C2CD3: variants seen among roughly 807,000 people sequenced by gnomAD.
The protein encoded by C2CD3 is C2 domain containing 3 centriole elongation regulator, also known as C2 domain-containing protein 3.
C2CD3 carries 148 observed loss-of-function variants against 234.0 expected under a neutral mutation model. The ratio of observed to expected loss-of-function variants is 0.63; its 90% CI spans 0.55 to 0.72. C2CD3 has a LOEUF of 0.72. Among genes scored for constraint, C2CD3 ranks in the 30% least tolerant of loss-of-function variants. The pLI is 0.00. For synonymous variants in C2CD3, 1,000 were observed against 1,035.4 expected, an observed-to-expected ratio of 0.97 and a Z score of 0.66; for missense variants, 2,577 against 2,811.5, an observed-to-expected ratio of 0.92 and a Z score of 1.89.
intron 2 of C2CD3, among the ~76,000 whole-genome samples, chr11:74,167,306 T>G (rs1393431557): frequency 2.6e-5 from 4 of 152,244 alleles, no homozygotes; most frequent in African/African-American, 9.6e-5. Context: ...GAGGATTTAA[T>G]TTTTAAGCTT....
intron 2 of C2CD3, among the ~76,000 whole-genome samples, chr11:74,167,605 A>G (rs1856892590): frequency 6.6e-6 from 1 of 152,242 alleles, no homozygotes; most frequent in African/African-American, 2.4e-5. Context: ...TGGCTCTCCA[A>G]TATTCTGAGC....
chr11:74,032,699 C>T (rs991244563), intron 31 of C2CD3, among the ~76,000 whole-genome samples: 1 of 151,874 alleles, frequency 6.6e-6, no homozygotes, highest in South Asian at 2.1e-4. Flanking sequence ...CAGCAAGACC[C>T]CAACTCTTAA....
intron 30 of C2CD3, among the ~76,000 whole-genome samples, chr11:74,035,473 T>C (rs1300227500): frequency 6.6e-6 from 1 of 152,220 alleles, no homozygotes; most frequent in East Asian, 1.9e-4. Context: ...CTTAAGAATA[T>C]GACACTGTGT....
chr11:74,133,025 C>T lies in C2CD3; in HGVS notation c.1089-53G>A. 1.9e-6 allele frequency: 3 copies of T among 1,574,216 alleles called. No individual in the cohort carries two copies. The African/African-American group carries it at 4.1e-5, about 21-fold the overall frequency. ...TGAGTGGCTAACAGATGGAAAAAAT[C>T]TAAATCATAATCACTTCGTACATGC... is the stretch of plus-strand genomic sequence containing the variant. On this transcript the variant is annotated intron_variant, in intron 6 of 32. Coordinates refer to ENST00000334126, the MANE Select transcript of C2CD3 (RefSeq NM_001286577.2).
chr11:74,097,691 C>T (rs1456443814), intron 16 of C2CD3, among the ~76,000 whole-genome samples: 1 of 152,206 alleles, frequency 6.6e-6, no homozygotes, highest in Non-Finnish European at 1.5e-5. Context: ...TAAGATTTTG[C>T]TGGCTTACAT....
intron 3 of C2CD3, among the ~76,000 whole-genome samples, chr11:74,146,048 T>C (rs1210013391): frequency 6.6e-6 from 1 of 152,142 alleles, no homozygotes; most frequent in African/African-American, 2.4e-5. Flanking sequence ...CAAACTCTAG[T>C]AAGAATTATG....
intron 3 of C2CD3, chr11:74,142,215 T>C (rs1854849723): frequency 6.6e-6 from 1 of 152,214 alleles, no homozygotes; most frequent in African/African-American, 2.4e-5. Context: ...GTTGGAACAT[T>C]TGCTGTATCC....
intron 8 of C2CD3, among the ~76,000 whole-genome samples, chr11:74,119,070 T>C (rs1358228035): frequency 6.6e-6 from 1 of 151,798 alleles, no homozygotes; most frequent in Non-Finnish European, 1.5e-5. Flanking sequence ...CCACCACACC[T>C]GACTAATTTT....
At chr11:74,105,431 T>A (rs987791720) in intron 13 of C2CD3, among the ~76,000 whole-genome samples, 7 of 152,074 alleles carry the variant, frequency 4.6e-5, no homozygotes, top group African/African-American at 1.4e-4. Flanking sequence ...CCACCACTCC[T>A]GGCTAATTTT....
At chr11:74,058,824 T>A (rs1187211812) in intron 24 of C2CD3, among the ~76,000 whole-genome samples, 1 of 151,942 alleles carries the variant, frequency 6.6e-6, no homozygotes, top group Non-Finnish European at 1.5e-5. Context: ...ATGTGGCCAT[T>A]CACCTTTAAA....
At chr11:74,102,870 T>C (rs530390425) in intron 14 of C2CD3, among the ~76,000 whole-genome samples, 12 of 152,194 alleles carry the variant, frequency 7.9e-5, no homozygotes, top group South Asian at 6.2e-4. Context: ...CAGAAAGGAA[T>C]AGAATCCCAA....
chr11:74,020,945 G>A (rs1438198519), intron 32 of C2CD3, among the ~76,000 whole-genome samples: 3 of 152,236 alleles, frequency 2.0e-5, no homozygotes, highest in Non-Finnish European at 4.4e-5. Flanking sequence ...AGCAAGGGAA[G>A]CAGCAGAAAG....
chr11:74,142,640 G>A (rs1158052460), intron 3 of C2CD3, among the ~76,000 whole-genome samples: 2 of 151,884 alleles, frequency 1.3e-5, no homozygotes, highest in Non-Finnish European at 2.9e-5. Context: ...AAACATTTGA[G>A]CTTAGAATCT....
intron 31 of C2CD3, among the ~76,000 whole-genome samples, chr11:74,032,223 A>G (rs928807272): frequency 7.9e-5 from 12 of 152,222 alleles, no homozygotes; most frequent in Non-Finnish European, 1.6e-4. Flanking sequence ...CTATATGTCT[A>G]TAATCACAAA....
At chr11:74,103,742 C>A in intron 13 of C2CD3, 117 bp from the exon 14 acceptor site, 1 of 784,022 alleles carries the variant, frequency 1.3e-6, no homozygotes. Context: ...TCCTCAAACA[C>A]TCTAATAGTA....
At chr11:74,137,961 A>G (rs1317643125) in intron 5 of C2CD3, among the ~76,000 whole-genome samples, 1 of 152,220 alleles carries the variant, frequency 6.6e-6, no homozygotes, top group African/African-American at 2.4e-5. Flanking sequence ...GTTCTTTTAC[A>G]AAATGTCCTT....
At position 74,115,708 on chromosome 11, in the gene C2CD3, T is replaced by A. The variant is rs139327263; in HGVS notation, c.1521-1115A>T. On this transcript the variant is annotated intron_variant, in intron 9 of 32. Transcript: ENST00000334126. ...AAGAACAAATCTGGAGGCATCACAT[T>A]ACCTGACTTCAAACTATACTATAAG... is the stretch of plus-strand genomic sequence containing the variant. 4.1e-4 allele frequency among the ~76,000 whole-genome samples: 62 copies of A among 152,242 alleles called. 1 individual carries two copies. The East Asian group carries it at 0.012, about 29-fold the overall frequency.
intron 2 of C2CD3, among the ~76,000 whole-genome samples, chr11:74,161,938 C>CA (rs1856504147): frequency 6.6e-6 from 1 of 151,580 alleles, no homozygotes; most frequent in Non-Finnish European, 1.5e-5. Context: ...ATCCTAGCCT[C>CA]ACAAGTAGCT....
intron 24 of C2CD3, among the ~76,000 whole-genome samples, chr11:74,059,720 C>T (rs1296489632): frequency 3.3e-5 from 5 of 152,184 alleles, no homozygotes; most frequent in Non-Finnish European, 7.4e-5. Context: ...GCGTGAGCAA[C>T]GCAGAAGACG....
Sources: gnomAD v4.1 joint callset for allele counts (sites outside exome capture counted in the v4.1 genomes callset) on GRCh38, gnomAD v4.1.1 for gene constraint, MANE v1.5 for transcripts, NCBI Gene and HGNC (gene_info 2026-07-23, HGNC 2026-07-21) for gene names.